RTN1: variants seen among roughly 807,000 people sequenced by gnomAD.
RTN1 encodes the protein reticulon-1.
In RTN1, 25 loss-of-function variants were observed where a neutral mutation model predicts 65.5. The ratio of observed to expected loss-of-function variants is 0.38; its 90% CI spans 0.28 to 0.53. RTN1 has a LOEUF of 0.53. Among genes scored for constraint, RTN1 ranks in the 20% least tolerant of loss-of-function variants. The pLI is 0.79. For missense variants in RTN1, 983 were observed against 1,025.4 expected, an observed-to-expected ratio of 0.96 and a Z score of 0.57; for synonymous variants, 471 against 447.6, an observed-to-expected ratio of 1.05 and a Z score of -0.66.
chr14:59,739,715 G>A (rs1885078780), intron 2 of RTN1, among the ~76,000 whole-genome samples: 1 of 152,142 alleles, frequency 6.6e-6, no homozygotes, highest in Non-Finnish European at 1.5e-5. Context: ...TCTGATTCAT[G>A]TGGTGAGTGA....
intron 3 of RTN1, among the ~76,000 whole-genome samples, chr14:59,645,710 G>T (rs924952302): frequency 2.6e-5 from 4 of 152,198 alleles, no homozygotes; most frequent in Non-Finnish European, 5.9e-5. Flanking sequence ...TAATGGAAAA[G>T]TGTCCATACT....
chr14:59,683,711 T>C (rs2140223336), intron 3 of RTN1, among the ~76,000 whole-genome samples: 2 of 152,296 alleles, frequency 1.3e-5, no homozygotes, highest in South Asian at 4.1e-4. Context: ...AGGGCTTCTT[T>C]CTCTTGCTTT....
chr14:59,605,703 C>T (rs1881721926), intron 4 of RTN1, 197 bp from the exon 5 acceptor site: 1 of 524,948 alleles, frequency 1.9e-6, no homozygotes, highest in South Asian at 2.8e-5. Flanking sequence ...ACACAGAAAG[C>T]ATGGTTCTCA....
intron 3 of RTN1, among the ~76,000 whole-genome samples, chr14:59,672,042 T>A (rs1157791933): frequency 6.6e-6 from 1 of 152,192 alleles, no homozygotes; most frequent in Non-Finnish European, 1.5e-5. Flanking sequence ...ATGTTGAAAG[T>A]CTCTAAAATC....
At chr14:59,629,876 A>G (rs10137629) in intron 3 of RTN1, among the ~76,000 whole-genome samples, 6,512 of 152,290 alleles carry the variant, frequency 0.043, 464 homozygotes, top group African/African-American at 0.15. Flanking sequence ...AAAACCCCAA[A>G]TATTTCAAAG....
intron 3 of RTN1, among the ~76,000 whole-genome samples, chr14:59,634,380 C>T (rs1594644441): frequency 6.6e-6 from 1 of 152,176 alleles, no homozygotes; most frequent in East Asian, 1.9e-4. Context: ...ACACTGAGAA[C>T]TCTATGCCAT....
rs1439496309 is a variant in RTN1 at position 59,727,748 on chromosome 14, C to T, written c.1016-80G>A. The T allele has an allele frequency of 1.4e-6, 2 of 1,478,642 alleles. No individual in the cohort carries two copies. The highest frequency in any genetic ancestry group is 1.4e-5 in the African/African-American group (1 of 71,026). 91.6% of individuals were successfully genotyped at this position (1,478,642 alleles called of 1,614,324 possible). On this transcript the variant is annotated intron_variant, in intron 2 of 8. Coordinates refer to ENST00000267484, the MANE Select transcript of RTN1 (RefSeq NM_021136.3). This position sits in a 1 kb window ranked among gnomAD's most constrained non-coding sequence, Gnocchi z 4.2. Reference sequence around the variant, plus strand: ...ATGGACAGAGAGAGGAGGGATAAAACAAAATTCCATTAGGCGAGATGTTTT... The same window carrying T: ...ATGGACAGAGAGAGGAGGGATAAAATAAAATTCCATTAGGCGAGATGTTTT...
In RTN1 at chr14:59,707,080, A is replaced by T. The variant is rs557557345; in HGVS notation, c.1765+19839T>A. Among the ~76,000 whole-genome samples the T allele has an allele frequency of 7.2e-5, 11 of 152,374 alleles. No individual in the cohort carries two copies. The South Asian group carries it at 1.9e-3, about 26-fold the overall frequency. On this transcript the variant is annotated intron_variant, in intron 3 of 8. Transcript: ENST00000267484. ...CTGAAGAACTGCTGAATTCTGAAGA[A>T]CTGAGAACTGAAGAACAAGCTGACT...
chr14:59,750,083 A>G (rs1566713038), intron 1 of RTN1, among the ~76,000 whole-genome samples: 1 of 45,100 alleles, frequency 2.2e-5, no homozygotes, highest in African/African-American at 1.0e-4. Flanking sequence ...TATATATTAT[A>G]GACATATATA....
intron 1 of RTN1, among the ~76,000 whole-genome samples, chr14:59,780,097 G>T (rs918261931): frequency 1.3e-5 from 2 of 152,178 alleles, no homozygotes; most frequent in Admixed American, 1.3e-4. Flanking sequence ...CTGAGTAAGT[G>T]CTGAGGATAA....
At chr14:59,834,341 A>G (rs1887178513) in intron 1 of RTN1, among the ~76,000 whole-genome samples, 1 of 152,200 alleles carries the variant, frequency 6.6e-6, no homozygotes. Context: ...CACATTCCAT[A>G]AAAGAATGAA....
At chr14:59,859,043 G>T (rs1455592809) in intron 1 of RTN1, among the ~76,000 whole-genome samples, 1 of 152,200 alleles carries the variant, frequency 6.6e-6, no homozygotes, top group Non-Finnish European at 1.5e-5. Context: ...ATTTTTAAAA[G>T]GCCACAAGTC....
At position 59,846,955 on chromosome 14, in the gene RTN1, G is replaced by C. The variant is rs1274131559; in HGVS notation, c.241+23435C>G. 1.3e-5 allele frequency among the ~76,000 whole-genome samples: 2 copies of C among 152,170 alleles called. No homozygotes were observed. Among genetic ancestry groups the C allele is most frequent in the East Asian group, 3.8e-4 (2 of 5,196 alleles). ...CCTTCATCACCATTCTAGAAACCTA[G>C]TGTCTGAGAGGAAAAACAAAATTCC... On this transcript the variant is annotated intron_variant, in intron 1 of 8. Transcript: ENST00000267484. The surrounding 1 kb of genome is among the most constrained non-coding windows in gnomAD (Gnocchi z 4.8).
intron 3 of RTN1, among the ~76,000 whole-genome samples, chr14:59,710,307 C>T (rs1231445696): frequency 6.6e-6 from 1 of 152,152 alleles, no homozygotes. Flanking sequence ...GGATTACAGG[C>T]ATGAGCCACT....
intron 1 of RTN1, among the ~76,000 whole-genome samples, chr14:59,756,083 A>G (rs971710953): frequency 6.6e-6 from 1 of 152,254 alleles, no homozygotes; most frequent in African/African-American, 2.4e-5. Flanking sequence ...TAAAGGAAAA[A>G]TAATTGCTTT....
At chr14:59,665,901 T>A (rs1225016513) in intron 3 of RTN1, among the ~76,000 whole-genome samples, 1 of 152,158 alleles carries the variant, frequency 6.6e-6, no homozygotes, top group Non-Finnish European at 1.5e-5. Context: ...CTATCCTAAA[T>A]ATATATGCAC....
chr14:59,726,531 A>T (rs1354187904), intron 3 of RTN1, among the ~76,000 whole-genome samples: 1 of 152,156 alleles, frequency 6.6e-6, no homozygotes, highest in Non-Finnish European at 1.5e-5. Flanking sequence ...ACCTACAGAG[A>T]CTGAGCAGGG....
chr14:59,680,103 A>C (rs1021922328), intron 3 of RTN1, among the ~76,000 whole-genome samples: 1 of 152,168 alleles, frequency 6.6e-6, no homozygotes, highest in Non-Finnish European at 1.5e-5. Flanking sequence ...ACCTGTTGCC[A>C]TGGGAGCTGA....
chr14:59,652,283 A>G (rs1310407847), intron 3 of RTN1, among the ~76,000 whole-genome samples: 1 of 152,202 alleles, frequency 6.6e-6, no homozygotes, highest in Non-Finnish European at 1.5e-5. Context: ...TTATTCCTCA[A>G]AGAGCTAAAA....
Sources: allele counts gnomAD v4.1 joint callset (sites outside exome capture counted in the v4.1 genomes callset), GRCh38; gene constraint gnomAD v4.1.1; non-coding constraint Gnocchi (gnomAD v3.1); transcripts MANE v1.5; gene names NCBI Gene and HGNC (gene_info 2026-07-23, HGNC 2026-07-21).